FKBP10: variants seen among roughly 807,000 people sequenced by gnomAD.
The protein encoded by FKBP10 is peptidyl-prolyl cis-trans isomerase FKBP10.
Under a neutral mutation model 53.7 loss-of-function variants are expected in FKBP10, and 34 were observed. The observed-to-expected ratio is 0.63, with a 90% CI of 0.48 to 0.84. The LOEUF (loss-of-function observed/expected upper bound fraction) is 0.84. FKBP10 is among the 40% of genes least tolerant of loss of function. The pLI is 0.00. For synonymous variants in FKBP10, 324 were observed against 335.7 expected, an observed-to-expected ratio of 0.97 and a Z score of 0.38; for missense variants, 748 against 797.8, an observed-to-expected ratio of 0.94 and a Z score of 0.75.
chr17:41,821,137 TTTTG>T, intron 8 of FKBP10, 48 bp downstream of exon 8: 3 of 1,399,122 alleles, frequency 2.1e-6, no homozygotes, highest in African/African-American at 1.7e-5. Context: ...TTTTTTTTTT[TTTTG>T]AGATGGAGTC....
At position 41,819,638 on chromosome 17, in the gene FKBP10, C is replaced by T. The variant is rs1204501431; in HGVS notation, c.1026C>T (p.Thr342=). 3 of 1,611,292 alleles carry T rather than the reference C, an allele frequency of 1.9e-6. No individual in the cohort carries two copies. The highest frequency in any genetic ancestry group is 2.5e-6 in the Non-Finnish European group (3 of 1,178,916). The change falls in exon 6 of 10, where the codon ACC becomes ACT. Residue 342 remains threonine (T), a synonymous_variant. Coordinates refer to ENST00000321562, the MANE Select transcript of FKBP10 (RefSeq NM_021939.4). ...GACMGERRRI[T]IPPHLAYGEN... ...GCATGGGGGAACGCCGGAGAATTAC[C>T]ATCCCCCCGCACCTCGCCTATGGGG...
chr17:41,819,459 G>A, intron 5 of FKBP10, 60 bp downstream of exon 5: 1 of 1,613,852 alleles, frequency 6.2e-7, no homozygotes, highest in Non-Finnish European at 8.5e-7. Flanking sequence ...GAAGCTGGGG[G>A]TCACTCTGAG....
chr17:41,816,898 G>C (rs2047822705), intron 1 of FKBP10, among the ~76,000 whole-genome samples, 160 bp from the exon 2 acceptor site: 1 of 152,212 alleles, frequency 6.6e-6, no homozygotes, highest in Non-Finnish European at 1.5e-5. Context: ...CTAGGAGGGG[G>C]ACTTGAAAAG....
Position 41,819,527 on chromosome 17 carries a change from C to G in FKBP10, c.918-3C>G, listed in dbSNP as rs368957257. 3.1e-6 allele frequency: 5 copies of G among 1,614,096 alleles called. No individual in the cohort carries two copies. The East Asian group carries it at 8.9e-5, about 29-fold the overall frequency. On this transcript the variant is annotated splice_polypyrimidine_tract_variant and splice_region_variant and intron_variant, in intron 5 of 9. Transcript: ENST00000321562. The stretch of plus-strand genomic sequence containing the variant: ...TTCCTGGCCCTCCCGCCTTGTATTG[C>G]AGCTACTCCCGCAACCACACCTACA...
At position 41,822,308 on chromosome 17, in the gene FKBP10, T is replaced by C. The variant is rs1367919507; in HGVS notation, c.1649T>C (p.Met550Thr). 8 of 1,613,778 alleles carry C rather than the reference T, an allele frequency of 5.0e-6. No homozygotes were observed. In the African/African-American group the frequency reaches 6.7e-5, roughly 13 times the overall value. Residue 550 changes from methionine (M) to threonine (T), a missense_variant, in exon 10 of 10, where the codon ATG becomes ACG. Met to Thr is a moderately conservative substitution (Grantham distance 81). Coordinates refer to ENST00000321562, the MANE Select transcript of FKBP10 (RefSeq NM_021939.4). The part of the protein sequence containing the change: ...GQDPEKTIGD[M>T]FQNQDRNQDG... ...GACCCTGAGAAAACCATAGGAGACA[T>C]GTTCCAGAACCAGGACCGCAACCAG...
At chr17:41,821,933 C>T (rs538570830) in intron 9 of FKBP10, 116 bp downstream of exon 9, 194 of 1,296,528 alleles carry the variant, frequency 1.5e-4, no homozygotes, top group African/African-American at 1.5e-3. Context: ...CTCCTGCCTG[C>T]GCTGAGTCCC....
intron 4 of FKBP10, 199 bp from the exon 5 acceptor site, chr17:41,819,011 G>C: frequency 1.7e-6 from 1 of 604,398 alleles, no homozygotes; most frequent in Non-Finnish European, 2.9e-6. Context: ...CGAAGGCTCA[G>C]TATGAGCCGG....
intron 4 of FKBP10, 32 bp from the exon 5 acceptor site, chr17:41,819,178 A>G (rs534176702): frequency 2.5e-6 from 4 of 1,613,326 alleles, no homozygotes; most frequent in South Asian, 1.1e-5. Flanking sequence ...TTGCTCCCCA[A>G]TTTTATGGTT....
chr17:41,820,728 C>A, intron 7 of FKBP10: 1 of 697,760 alleles, frequency 1.4e-6, no homozygotes, highest in Non-Finnish European at 2.3e-6. Flanking sequence ...ACGCAGGGAG[C>A]CATGAGCCCT....
In FKBP10 at chr17:41,817,047, TC is replaced by T. The variant is rs781920419; in HGVS notation, c.246-3del. 43 of 1,608,906 alleles carry T rather than the reference TC, an allele frequency of 2.7e-5. No individual in the cohort carries two copies. Among genetic ancestry groups the T allele is most frequent in the African/African-American group, 1.2e-4 (9 of 74,488 alleles). ...GAGGTCACTGTATCCCATCTGTCCC[TC>T]CCCCCCCAGCTATGATCGCAACACC... On this transcript the variant is annotated splice_polypyrimidine_tract_variant and intron_variant, in intron 1 of 9. Transcript: ENST00000321562.
intron 1 of FKBP10, among the ~76,000 whole-genome samples, chr17:41,813,753 G>C (rs945478790): frequency 6.6e-6 from 1 of 152,114 alleles, no homozygotes; most frequent in Non-Finnish European, 1.5e-5. Flanking sequence ...TTTTTTGGAG[G>C]GGGTGGGAGT....
intron 1 of FKBP10, 122 bp downstream of exon 1, chr17:41,813,401 G>A: frequency 2.3e-6 from 3 of 1,324,656 alleles, no homozygotes; most frequent in South Asian, 1.2e-5. Context: ...CACCCCTGGG[G>A]CCTCCCAGAC....
At chr17:41,822,166 G>A (rs1464868076) in intron 9 of FKBP10, 57 bp from the exon 10 acceptor site, 1 of 1,552,388 alleles carries the variant, frequency 6.4e-7, no homozygotes, top group Non-Finnish European at 8.8e-7. Context: ...CGGGGCCCCT[G>A]CCCCTCCCAA....
rs2047903478 is a variant in FKBP10, at chr17:41,822,355, G to A, written c.1696G>A (p.Glu566Lys). The A allele has an allele frequency of 1.2e-6, 2 of 1,613,064 alleles. No homozygotes were observed. The highest frequency in any genetic ancestry group is 1.1e-5 in the South Asian group (1 of 90,814). Residue 566 changes from glutamate to lysine, a missense_variant, in exon 10 of 10, where the codon GAG (glutamate) becomes AAG (lysine). Transcript: ENST00000321562. ...RNQDGKITVD[E>K]LKLKSDEDEE... is the part of the protein sequence containing the mutation. ...CCAGGACGGCAAGATCACAGTCGAC[G>A]AGCTCAAGCTGAAGTCAGATGAGGA...
chr17:41,817,005 G>T, intron 1 of FKBP10, 53 bp from the exon 2 acceptor site: 2 of 1,610,162 alleles, frequency 1.2e-6, no homozygotes, highest in Non-Finnish European at 1.7e-6. Flanking sequence ...GCCACCATGG[G>T]CAGTGTGTGT....
intron 4 of FKBP10, chr17:41,818,808 T>C (rs1555616489): frequency 7.0e-6 from 3 of 425,792 alleles, no homozygotes; most frequent in African/African-American, 6.5e-5. Context: ...ACAAAAAAAT[T>C]AGCCGGGCGT....
At chr17:41,822,093 G>A (rs1378620911) in intron 9 of FKBP10, 130 bp from the exon 10 acceptor site, 5 of 994,924 alleles carry the variant, frequency 5.0e-6, no homozygotes. Flanking sequence ...CCCTTCCTGA[G>A]TTACAGGGTG....
rs782371318 is a variant in FKBP10, at chr17:41,820,508, C to T, written c.1256+47C>T. The T allele has an allele frequency of 2.5e-6, 4 of 1,595,950 alleles. No individual in the cohort carries two copies. The Admixed American group carries it at 5.0e-5, about 20-fold the overall frequency. On this transcript the variant is annotated intron_variant, in intron 7 of 9. Coordinates refer to ENST00000321562, the MANE Select transcript of FKBP10 (RefSeq NM_021939.4). ...GACTGGGCAGGTGGGTGGGCACAGGCATGGGGAGTCCTCCTCAGTGCACCC... is the reference window on the plus strand; with the variant it reads ...GACTGGGCAGGTGGGTGGGCACAGGTATGGGGAGTCCTCCTCAGTGCACCC...
At position 41,822,475 on chromosome 17, in the gene FKBP10, C is replaced by A; in HGVS notation, c.*67C>A. Reference sequence around the variant, plus strand: ...TGCGAGGGGGACAGTGGCGGTGGGACTGACCTGCTGACAGTCACCCTCCCT... The same window carrying A: ...TGCGAGGGGGACAGTGGCGGTGGGAATGACCTGCTGACAGTCACCCTCCCT... On this transcript the variant is annotated 3_prime_UTR_variant, in exon 10 of 10. Coordinates refer to ENST00000321562, the MANE Select transcript of FKBP10 (RefSeq NM_021939.4). 6.6e-7 allele frequency: 1 copy of A among 1,513,398 alleles called. No homozygotes were observed. The highest frequency in any genetic ancestry group is 1.2e-5 in the South Asian group (1 of 83,420). 93.7% of individuals were successfully genotyped at this position (1,513,398 alleles called of 1,614,324 possible). A position where few individuals can be genotyped will look rare whatever the true frequency, so the allele number is the denominator to read the frequency against.
Sources: allele counts gnomAD v4.1 joint callset (sites outside exome capture counted in the v4.1 genomes callset), GRCh38; gene constraint gnomAD v4.1.1; transcripts MANE v1.5; gene names NCBI Gene and HGNC (gene_info 2026-07-23, HGNC 2026-07-21).